Variants in TACC1 observed in about 807,000 individuals in gnomAD.
TACC1 encodes the protein transforming acidic coiled-coil-containing protein 1.
A neutral mutation model predicts 84.4 loss-of-function variants in TACC1; 48 were observed. That is an observed-to-expected ratio of 0.57 (90% CI 0.45 to 0.72). TACC1 has a LOEUF of 0.72. TACC1 is among the 30% of genes least tolerant of loss of function. The probability of loss-of-function intolerance (pLI) is 0.00; values close to 1 mark genes in which losing one functional copy is unlikely to be tolerated. For synonymous variants in TACC1, 372 were observed against 376.3 expected (o/e 0.99, Z 0.13); for missense variants, 920 against 973.0 (o/e 0.95, Z 0.72).
At chr8:38,775,010 C>CAAAAAA (rs913147283) in intron 3 of TACC1, among the ~76,000 whole-genome samples, 28 of 83,456 alleles carry the variant, frequency 3.4e-4, no homozygotes, top group Admixed American at 5.4e-4. Context: ...GACTCCGTCT[C>CAAAAAA]AAAAAAAAAA....
chr8:38,835,745 A>G (rs1160176735), intron 6 of TACC1, among the ~76,000 whole-genome samples: 1 of 152,232 alleles, frequency 6.6e-6, no homozygotes, highest in Non-Finnish European at 1.5e-5. Context: ...CAAAGCATCA[A>G]TATGTAACAG....
At chr8:38,768,877 G>A (rs1563351206) in intron 3 of TACC1, among the ~76,000 whole-genome samples, 1 of 148,142 alleles carries the variant, frequency 6.8e-6, no homozygotes, top group African/African-American at 2.5e-5. Flanking sequence ...GACTGTGTAT[G>A]TAAGACTGTC....
Position 38,840,559 on chromosome 8 carries a change from AC to A in TACC1, c.1960+293del, listed in dbSNP as rs1446995570. 1.6e-5 allele frequency: 4 copies of A among 243,368 alleles called. No individual in the cohort carries two copies. The East Asian group carries it at 2.5e-4, about 15-fold the overall frequency. The allele number at this position is 243,368 out of a possible 1,614,324, so 15.1% of individuals were successfully genotyped here. On this transcript the variant is annotated intron_variant, in intron 9 of 12. Coordinates refer to ENST00000317827, the MANE Select transcript of TACC1 (RefSeq NM_006283.3). Reference sequence around the variant, plus strand: ...CCACTTTCACCCTGAACATACTCACACACTGGGGATTAGGTTTCAATACACA... The same window carrying A: ...CCACTTTCACCCTGAACATACTCACAACTGGGGATTAGGTTTCAATACACA...
chr8:38,787,650 G>C lies in TACC1; in HGVS notation c.68G>C (p.Arg23Pro). ...QWAKWTWSAVRGGAAGEDEAG... is the reference protein window; with the variant it reads ...QWAKWTWSAVPGGAAGEDEAG... ...GCGAAATGGACGTGGTCTGCGGTAC[G>C]CGGCGGGGCCGCCGGCGAGGACGAG... Residue 23 changes from arginine to proline, a missense_variant, in exon 1 of 13, where the codon CGC becomes CCC. This residue lies in a region of TACC1 where 762 missense variants were observed against 747.3 expected (regional missense o/e 1.02). Coordinates refer to ENST00000317827, the MANE Select transcript of TACC1 (RefSeq NM_006283.3). The C allele has an allele frequency of 6.5e-7, 1 of 1,550,198 alleles. No individual in the cohort carries two copies. The highest frequency in any genetic ancestry group is 1.4e-5 in the African/African-American group (1 of 73,032).
At chr8:38,826,934 C>G (rs1346999777) in intron 4 of TACC1, among the ~76,000 whole-genome samples, 2 of 152,144 alleles carry the variant, frequency 1.3e-5, no homozygotes, top group African/African-American at 4.8e-5. Context: ...TAAACTTAAC[C>G]TAGAGAAGAT....
chr8:38,749,245 G>T (rs1808595766), intron 3 of TACC1, among the ~76,000 whole-genome samples: 1 of 152,144 alleles, frequency 6.6e-6, no homozygotes, highest in African/African-American at 2.4e-5. Context: ...AGCTTGAACA[G>T]CCCTGTATCA....
rs377635294 is a variant in TACC1 at position 38,848,031 on chromosome 8, C to A, written c.*8C>A. ...CTGGGAAAGACTGACTGAGACACTC[C>A]CCCTGTTAGCTCAACAGATCTGCAT... On this transcript the variant is annotated 3_prime_UTR_variant, in exon 13 of 13. Coordinates refer to ENST00000317827, the MANE Select transcript of TACC1 (RefSeq NM_006283.3). The A allele has an allele frequency of 4.3e-6, 7 of 1,612,212 alleles. No individual in the cohort carries two copies. The highest frequency in any genetic ancestry group is 3.3e-4 in the Middle Eastern group (2 of 6,072).
At chr8:38,739,021 G>A (rs1806549656) in intron 1 of TACC1, among the ~76,000 whole-genome samples, 1 of 152,166 alleles carries the variant, frequency 6.6e-6, no homozygotes, top group African/African-American at 2.4e-5. Context: ...CTCCTGAGTA[G>A]CTGGGATTAC....
At chr8:38,763,721 A>G (rs1811669142) in intron 3 of TACC1, among the ~76,000 whole-genome samples, 1 of 152,236 alleles carries the variant, frequency 6.6e-6, no homozygotes, top group South Asian at 2.1e-4. Context: ...ACTTAACATT[A>G]TAAACATTTC....
At chr8:38,732,338 A>G (rs191615032) in intron 1 of TACC1, among the ~76,000 whole-genome samples, 33 of 151,962 alleles carry the variant, frequency 2.2e-4, no homozygotes, top group Non-Finnish European at 4.0e-4. Flanking sequence ...CATCTGCTGA[A>G]CCACTTGTAT....
chr8:38,766,582 A>C (rs1054627834), intron 3 of TACC1, among the ~76,000 whole-genome samples: 9 of 152,264 alleles, frequency 5.9e-5, no homozygotes, highest in African/African-American at 2.2e-4. Context: ...AAAACTGTTC[A>C]GAGATCCCTT....
Position 38,755,753 on chromosome 8 carries a change from A to AACAACGAC in TACC1, c.26+10260_26+10261insACAACGAC, listed in dbSNP as rs1554496269. 5.6e-4 allele frequency among the ~76,000 whole-genome samples: 46 copies of AACAACGAC among 82,710 alleles called. 1 individual carries two copies. The highest frequency in any genetic ancestry group is 2.4e-3 in the African/African-American group (44 of 18,522). The allele number at this position is 82,710 out of a possible 152,430, so 54.3% of individuals were successfully genotyped here. On this transcript the variant is annotated intron_variant, in intron 3 of 14. Transcript: ENST00000518415. ...CAACAACAACAACAACAACAACAAC[A>AACAACGAC]GAGTGTTCCTGCCTTTAAAGAACTT...
At chr8:38,825,277 A>ACTG in intron 3 of TACC1, 31 bp from the exon 4 acceptor site, 3 of 1,613,554 alleles carry the variant, frequency 1.9e-6, no homozygotes, top group Non-Finnish European at 2.5e-6. Flanking sequence ...GTGATTGCAA[A>ACTG]CTGGCTTGTT....
intron 3 of TACC1, chr8:38,824,163 T>C (rs1827514882): frequency 1.8e-5 from 12 of 661,896 alleles, no homozygotes; most frequent in Non-Finnish European, 2.9e-5. Context: ...ATTTCATCAG[T>C]CACTTCATGA....
At chr8:38,831,645 G>C (rs944655941) in intron 6 of TACC1, among the ~76,000 whole-genome samples, 1 of 152,090 alleles carries the variant, frequency 6.6e-6, no homozygotes, top group Non-Finnish European at 1.5e-5. Flanking sequence ...AGAGGCACGT[G>C]CCACCGCACC....
intron 3 of TACC1, among the ~76,000 whole-genome samples, chr8:38,747,154 A>G (rs73611015): frequency 2.3e-3 from 351 of 152,360 alleles, no homozygotes; most frequent in African/African-American, 8.0e-3. Flanking sequence ...ACAATGAGAT[A>G]CCACTACACA....
In TACC1 at chr8:38,753,368, G is replaced by A. The variant is rs568800837; in HGVS notation, c.26+7875G>A. On this transcript the variant is annotated intron_variant, in intron 3 of 14. Coordinates refer to the TACC1 transcript ENST00000518415. ...ATCCTCCCCTCTTGGCCTACCGAAG[G>A]GCTGAAATTACAGGTGTGAGCCACC... Among the ~76,000 whole-genome samples the A allele has an allele frequency of 7.2e-5, 11 of 152,198 alleles. No homozygotes were observed. In the South Asian group the frequency reaches 2.1e-3, roughly 29 times the overall value.
At chr8:38,775,342 A>G (rs918071452) in intron 3 of TACC1, among the ~76,000 whole-genome samples, 3 of 152,210 alleles carry the variant, frequency 2.0e-5, no homozygotes, top group African/African-American at 7.2e-5. Flanking sequence ...CTGTGGTTCT[A>G]TGAGATCTGA....
In TACC1 at chr8:38,788,735, G is replaced by C; in HGVS notation, c.193G>C (p.Glu65Gln). Residue 65 changes from glutamate to glutamine, a missense_variant, in exon 2 of 13, where the codon GAA becomes CAA. Coordinates refer to ENST00000317827, the MANE Select transcript of TACC1 (RefSeq NM_006283.3). ...SDSEGNFETPEAETPIRSPFK... is the reference protein window; with the variant it reads ...SDSEGNFETPQAETPIRSPFK... The stretch of plus-strand genomic sequence containing the variant: ...TTCTGAAGGTAATTTTGAGACTCCT[G>C]AAGCTGAAACCCCGATCCGATCACC... 1 of 1,614,018 alleles carries C rather than the reference G, an allele frequency of 6.2e-7. No individual in the cohort carries two copies.
Sources: gnomAD v4.1 joint callset for allele counts (sites outside exome capture counted in the v4.1 genomes callset) on GRCh38, gnomAD v4.1.1 for gene constraint, gnomAD v4.1.1 regional missense constraint, MANE v1.5 for transcripts, NCBI Gene and HGNC (gene_info 2026-07-23, HGNC 2026-07-21) for gene names.